Variants in PGLYRP4 observed in about 807,000 individuals in gnomAD.
PGLYRP4 encodes the protein PGRP-I-beta.
PGLYRP4 carries 39 observed loss-of-function variants against 41.2 expected under a neutral mutation model. That is an observed-to-expected ratio of 0.95 (90% CI 0.73 to 1.24). The LOEUF (loss-of-function observed/expected upper bound fraction) is 1.24, where lower values mean the gene tolerates loss of function less well. Among genes scored for constraint, PGLYRP4 ranks in the 50% most tolerant of loss-of-function variants. PGLYRP4 has a pLI of 0.00. For synonymous variants in PGLYRP4, 202 were observed against 186.8 expected (o/e 1.08, Z -0.66); for missense variants, 467 against 460.7 (o/e 1.01, Z -0.13).
intron 2 of PGLYRP4, among the ~76,000 whole-genome samples, chr1:153,346,910 TA>T (rs1046546720): frequency 6.6e-6 from 1 of 152,188 alleles, no homozygotes; most frequent in African/African-American, 2.4e-5. Context: ...GATGGGAAAA[TA>T]AGGGTTTATA....
Position 153,330,840 on chromosome 1 carries a change from T to G in PGLYRP4, c.1049A>C (p.Asp350Ala). 1 of 1,612,964 alleles carries G rather than the reference T, an allele frequency of 6.2e-7. No homozygotes were observed. The highest frequency in any genetic ancestry group is 8.5e-7 in the Non-Finnish European group (1 of 1,179,036). ...TPNYLLVGHS[D>A]VARTLSPGQA... Reference sequence around the variant, plus strand: ...CCCAGGAGACAAGGTTCGGGCCACATCACTGTGGCCCACCAGCAGGTAGTT... The same window carrying G: ...CCCAGGAGACAAGGTTCGGGCCACAGCACTGTGGCCCACCAGCAGGTAGTT... Residue 350 changes from aspartate to alanine, a missense_variant, in exon 9 of 9, where the codon GAT (aspartate) becomes GCT (alanine). Coordinates refer to ENST00000359650, the MANE Select transcript of PGLYRP4 (RefSeq NM_020393.4).
At chr1:153,348,129 A>G (rs942510169) in intron 1 of PGLYRP4, among the ~76,000 whole-genome samples, 151 bp from the exon 2 acceptor site, 17 of 152,316 alleles carry the variant, frequency 1.1e-4, no homozygotes, top group Non-Finnish European at 2.5e-4. Flanking sequence ...GGCCCCCAGC[A>G]TACAGCAGGT....
In PGLYRP4 at chr1:153,340,569, G is replaced by C. The variant is rs774162708; in HGVS notation, c.636C>G (p.Gly212=). 9.3e-6 allele frequency: 15 copies of C among 1,613,752 alleles called. No individual in the cohort carries two copies. Among genetic ancestry groups the C allele is most frequent in the Non-Finnish European group, 1.1e-5 (13 of 1,179,960 alleles). Reference sequence around the variant, plus strand: ...CTCCCCACACAGACCGTGGGACAACGCCGGGGCAAGCTGAGGTGGGGCGAG... The same window carrying C: ...CTCCCCACACAGACCGTGGGACAACCCCGGGGCAAGCTGAGGTGGGGCGAG... The part of the protein sequence containing the change: ...QKTSLKKACP[G]VVPRSVWGAR... Residue 212 remains glycine, a synonymous_variant, in exon 7 of 9, where the codon GGC becomes GGG. Coordinates refer to ENST00000359650, the MANE Select transcript of PGLYRP4 (RefSeq NM_020393.4).
In PGLYRP4 at chr1:153,330,159, T is replaced by C. The variant is rs1660275394; in HGVS notation, c.*608A>G. The C allele has an allele frequency of 6.6e-6, 1 of 152,156 alleles. No individual in the cohort carries two copies. Among genetic ancestry groups the C allele is most frequent in the African/African-American group, 2.4e-5 (1 of 41,432 alleles). The allele number at this position is 152,156 out of a possible 1,614,324, so 9.4% of individuals were successfully genotyped here. ...TTCATTTATTCATCCATTTCTCTAATAAACATCAGTAGAACCCATTAAATT... is the reference window on the plus strand; with the variant it reads ...TTCATTTATTCATCCATTTCTCTAACAAACATCAGTAGAACCCATTAAATT... On this transcript the variant is annotated 3_prime_UTR_variant, in exon 9 of 9. Transcript: ENST00000359650.
intron 8 of PGLYRP4, among the ~76,000 whole-genome samples, chr1:153,334,260 C>CA (rs566203092): frequency 0.41 from 61,864 of 150,948 alleles, 13,194 homozygotes; most frequent in Non-Finnish European, 0.47. Context: ...CAATAACAAT[C>CA]AGCTAAGAAC....
intron 6 of PGLYRP4, 42 bp downstream of exon 6, chr1:153,341,585 G>A: frequency 6.4e-7 from 1 of 1,569,444 alleles, no homozygotes; most frequent in Non-Finnish European, 8.7e-7. Flanking sequence ...TAGTTGGGGT[G>A]AGCCCAGTGG....
At chr1:153,332,033 A>T (rs774199591) in intron 8 of PGLYRP4, among the ~76,000 whole-genome samples, 3 of 152,014 alleles carry the variant, frequency 2.0e-5, no homozygotes, top group Non-Finnish European at 2.9e-5. Context: ...ACTAATGAAT[A>T]AAAACACAAA....
At position 153,333,885 on chromosome 1, in the gene PGLYRP4, A is replaced by G. The variant is rs570833267; in HGVS notation, c.944-2940T>C. On this transcript the variant is annotated intron_variant, in intron 8 of 8. Transcript: ENST00000359650. Reference sequence around the variant, plus strand: ...TTACTTCATGATAAAAACTCTCAACAAACTAGGCATCAAAAGAACATACCT... The same window carrying G: ...TTACTTCATGATAAAAACTCTCAACGAACTAGGCATCAAAAGAACATACCT... Among the ~76,000 whole-genome samples the G allele has an allele frequency of 2.0e-5, 3 of 152,308 alleles. No homozygotes were observed. The South Asian group carries it at 6.2e-4, about 32-fold the overall frequency.
At chr1:153,340,794 T>C (rs1660769485) in intron 6 of PGLYRP4, among the ~76,000 whole-genome samples, 1 of 152,252 alleles carries the variant, frequency 6.6e-6, no homozygotes, top group African/African-American at 2.4e-5. Context: ...GAATATGTAT[T>C]TGAGTCATTT....
At chr1:153,337,986 G>T (rs189572858) in intron 7 of PGLYRP4, among the ~76,000 whole-genome samples, 210 of 152,106 alleles carry the variant, frequency 1.4e-3, no homozygotes, top group Middle Eastern at 0.01. Flanking sequence ...TAAATGTGAG[G>T]TTCCTCAGGA....
chr1:153,337,039 G>A (rs890081998), intron 8 of PGLYRP4, 142 bp downstream of exon 8: 2 of 749,650 alleles, frequency 2.7e-6, no homozygotes, highest in African/African-American at 1.7e-5. Flanking sequence ...ACTCAGCTGA[G>A]TCAAATGTTG....
intron 7 of PGLYRP4, among the ~76,000 whole-genome samples, chr1:153,339,026 A>G (rs937360904): frequency 1.3e-5 from 2 of 152,222 alleles, no homozygotes; most frequent in African/African-American, 2.4e-5. Context: ...ATTGTAATCT[A>G]TGAAGGAGGG....
intron 6 of PGLYRP4, 75 bp downstream of exon 6, chr1:153,341,552 C>A: frequency 1.1e-5 from 15 of 1,331,724 alleles, no homozygotes; most frequent in Non-Finnish European, 1.4e-5. Flanking sequence ...CTGAAAAGGT[C>A]ACTCCCAATG....
chr1:153,346,016 G>A, intron 3 of PGLYRP4, 86 bp downstream of exon 3: 1 of 958,010 alleles, frequency 1.0e-6, no homozygotes, highest in South Asian at 1.3e-5. Flanking sequence ...AGTCACATGT[G>A]GCTTTGCAGA....
chr1:153,339,095 T>C (rs1660691218), intron 7 of PGLYRP4, among the ~76,000 whole-genome samples: 1 of 152,186 alleles, frequency 6.6e-6, no homozygotes, highest in Non-Finnish European at 1.5e-5. Context: ...GTCATAATGC[T>C]ATAATAGAAG....
intron 8 of PGLYRP4, among the ~76,000 whole-genome samples, chr1:153,334,859 T>C (rs746858469): frequency 6.6e-5 from 10 of 152,108 alleles, no homozygotes; most frequent in Non-Finnish European, 1.5e-4. Flanking sequence ...AACAGATACA[T>C]AGATCAATGG....
At chr1:153,341,606 A>C in intron 6 of PGLYRP4, 21 bp downstream of exon 6, 1 of 1,600,878 alleles carries the variant, frequency 6.2e-7, no homozygotes, top group Non-Finnish European at 8.5e-7. Context: ...CAGGCCCAGT[A>C]GGGCTGAAGA....
intron 5 of PGLYRP4, among the ~76,000 whole-genome samples, chr1:153,342,380 T>C (rs1660836910): frequency 6.6e-6 from 1 of 152,234 alleles, no homozygotes; most frequent in Non-Finnish European, 1.5e-5. Context: ...TCTAGCTGTG[T>C]CACTTGGGGT....
chr1:153,330,460 G>C lies in PGLYRP4; in HGVS notation c.*307C>G, dbSNP rs1660286809. 1 of 212,654 alleles carries C rather than the reference G, an allele frequency of 4.7e-6. No homozygotes were observed. Among genetic ancestry groups the C allele is most frequent in the African/African-American group, 2.2e-5 (1 of 44,812 alleles). The allele number at this position is 212,654 out of a possible 1,614,324, so 13.2% of individuals were successfully genotyped here. A position where few individuals can be genotyped will look rare whatever the true frequency, so the allele number is the denominator to read the frequency against. ...AGGCAGAGGGGAATGGAGAGAGAGA[G>C]AGAAATGAAACAAGAACCAGCCCAT... On this transcript the variant is annotated 3_prime_UTR_variant, in exon 9 of 9. Coordinates refer to ENST00000359650, the MANE Select transcript of PGLYRP4 (RefSeq NM_020393.4).
Sources: allele counts gnomAD v4.1 joint callset (sites outside exome capture counted in the v4.1 genomes callset), GRCh38; gene constraint gnomAD v4.1.1; transcripts MANE v1.5; gene names NCBI Gene and HGNC (gene_info 2026-07-23, HGNC 2026-07-21).